Variants in PCDH11X observed in about 807,000 individuals in gnomAD.
PCDH11X encodes the protein protocadherin 11 X-linked.
A neutral mutation model predicts 53.3 loss-of-function variants in PCDH11X; 18 were observed. The ratio of observed to expected loss-of-function variants is 0.34; its 90% confidence interval spans 0.23 to 0.50. The LOEUF is 0.50. Ranked by LOEUF, PCDH11X falls within the 20% of genes least tolerant of loss-of-function variation. The pLI, the probability that PCDH11X is intolerant of heterozygous loss-of-function variation, is 0.98. For synonymous variants in PCDH11X, 279 were observed against 393.3 expected (o/e 0.71, Z 3.44); for missense variants, 570 against 1,032.4 (o/e 0.55, Z 6.14).
At chrX:92,122,107 C>T (rs534267206) in intron 6 of PCDH11X, among the ~76,000 whole-genome samples, 40 of 108,365 alleles carry the variant, frequency 3.7e-4, no homozygotes, top group African/African-American at 1.2e-3. Flanking sequence ...CTCAGCTTCC[C>T]GAGTAGCTGG....
chrX:91,790,707 G>T (rs757478466), intron 1 of PCDH11X, among the ~76,000 whole-genome samples: 2 of 110,643 alleles, frequency 1.8e-5, no homozygotes. Flanking sequence ...GAATACAGCC[G>T]AATAGTCACT....
chrX:91,796,597 G>C (rs1046627605), intron 1 of PCDH11X, among the ~76,000 whole-genome samples: 8 of 111,056 alleles, frequency 7.2e-5, no homozygotes, highest in Non-Finnish European at 1.5e-4. Context: ...TAGCTGACTT[G>C]ATAAACTGAT....
At chrX:91,882,672 A>G (rs1163037588) in intron 6 of PCDH11X, among the ~76,000 whole-genome samples, 1 of 110,480 alleles carries the variant, frequency 9.1e-6, no homozygotes, top group Non-Finnish European at 1.9e-5. Context: ...AACTTTAGAC[A>G]GTTCTAATTC....
chrX:92,281,812 T>C (rs757814971), intron 8 of PCDH11X, among the ~76,000 whole-genome samples: 1 of 111,764 alleles, frequency 8.9e-6, no homozygotes, highest in Admixed American at 9.6e-5. Flanking sequence ...GAATAAGAAT[T>C]ACTCTGCTGT....
At chrX:92,582,273 G>GAA (rs769991378) in intron 10 of PCDH11X, among the ~76,000 whole-genome samples, 1 of 82,457 alleles carries the variant, frequency 1.2e-5, no homozygotes. Context: ...TAAAAGCCTA[G>GAA]AAAAAAAAAA....
At chrX:91,854,141 A>AC (rs973041833) in intron 5 of PCDH11X, among the ~76,000 whole-genome samples, 4 of 110,305 alleles carry the variant, frequency 3.6e-5, no homozygotes, top group Non-Finnish European at 5.7e-5. Flanking sequence ...AATCATCCCT[A>AC]CCTCCCCTGC....
At chrX:92,215,122 G>A (rs775259363) in intron 7 of PCDH11X, among the ~76,000 whole-genome samples, 7 of 111,277 alleles carry the variant, frequency 6.3e-5, no homozygotes, top group South Asian at 3.8e-4. Flanking sequence ...CAGCGTGAGC[G>A]ACGCAGAAGA....
intron 5 of PCDH11X, among the ~76,000 whole-genome samples, chrX:91,857,823 G>A (rs925514414): frequency 8.9e-6 from 1 of 111,846 alleles, no homozygotes; most frequent in East Asian, 2.8e-4. Flanking sequence ...TCATAGGCTG[G>A]CATTGAGTGT....
In PCDH11X at chrX:92,076,006, A is replaced by G. The variant is rs1362335556; in HGVS notation, c.3034-125369A>G. Among the ~76,000 whole-genome samples, 55 of 110,483 alleles carry G rather than the reference A, an allele frequency of 5.0e-4. 1 individual carries two copies. The highest frequency in any genetic ancestry group is 1.1e-3 in the South Asian group (3 of 2,615). On this transcript the variant is annotated intron_variant, in intron 6 of 10. Coordinates refer to ENST00000682573, the MANE Select transcript of PCDH11X (RefSeq NM_032968.5). ...CTGTGGAAAGGTACTTCTTGTTGGT[A>G]TGCCATGCCTTAATAAGGAAATGAA...
chrX:92,054,455 G>C (rs2063411746), intron 6 of PCDH11X, among the ~76,000 whole-genome samples: 1 of 111,576 alleles, frequency 9.0e-6, no homozygotes. Context: ...AATTTTTACA[G>C]GATTCCATGT....
At chrX:92,101,421 T>TTAAG (rs2064247998) in intron 6 of PCDH11X, among the ~76,000 whole-genome samples, 1 of 111,278 alleles carries the variant, frequency 9.0e-6, no homozygotes, top group Non-Finnish European at 1.9e-5. Flanking sequence ...TCCAGTCCTT[T>TTAAG]TTGGTGGCTG....
intron 6 of PCDH11X, among the ~76,000 whole-genome samples, chrX:91,908,078 C>T (rs1569436812): frequency 9.0e-6 from 1 of 111,432 alleles, no homozygotes; most frequent in Non-Finnish European, 1.9e-5. Context: ...TTGGAAGATA[C>T]CCTAAGCAAT....
In PCDH11X at chrX:92,460,016, A is replaced by G; in HGVS notation, c.3344-8283A>G. 5 of 1,007,408 alleles carry G rather than the reference A, an allele frequency of 5.0e-6. No individual in the cohort carries two copies. In the East Asian group the frequency reaches 1.5e-4, roughly 31 times the overall value. 83.0% of individuals were successfully genotyped at this position (1,007,408 alleles called of 1,213,427 possible). A position where few individuals can be genotyped will look rare whatever the true frequency, so the allele number is the denominator to read the frequency against. ...AGCAAAATCCGGGAGCACTTGGAGA[A>G]TAAGGGACCCCAGGTCAAAGACTGG... On this transcript the variant is annotated intron_variant, in intron 9 of 10. Coordinates refer to ENST00000682573, the MANE Select transcript of PCDH11X (RefSeq NM_032968.5).
chrX:91,852,873 A>G (rs375962246), intron 5 of PCDH11X, among the ~76,000 whole-genome samples: 2 of 103,944 alleles, frequency 1.9e-5, no homozygotes, highest in Admixed American at 2.1e-4. Flanking sequence ...GCTCACCCTT[A>G]CACATATTCA....
intron 6 of PCDH11X, among the ~76,000 whole-genome samples, chrX:92,084,938 A>G (rs2063925771): frequency 9.3e-6 from 1 of 107,824 alleles, no homozygotes; most frequent in Non-Finnish European, 1.9e-5. Context: ...ATGATTTGTT[A>G]CATGTAGCTC....
chrX:92,484,118 AGTATATATAT>A lies in PCDH11X; in HGVS notation c.3367+15805_3367+15814del, dbSNP rs1569494423. 7.0e-5 allele frequency among the ~76,000 whole-genome samples: 5 copies of A among 71,846 alleles called. No individual in the cohort carries two copies. In the Admixed American group the frequency reaches 1.0e-3, roughly 15 times the overall value. 62.4% of individuals were successfully genotyped at this position (71,846 alleles called of 115,157 possible). A position where few individuals can be genotyped will look rare whatever the true frequency, so the allele number is the denominator to read the frequency against. On this transcript the variant is annotated intron_variant, in intron 10 of 10. Coordinates refer to ENST00000682573, the MANE Select transcript of PCDH11X (RefSeq NM_032968.5). Reference sequence around the variant, plus strand: ...TGTGTGTGTGTGTGTGTATATATATAGTATATATATGTATATATGTATGTATATATATGTA... The same window carrying A: ...TGTGTGTGTGTGTGTGTATATATATAGTATATATGTATGTATATATATGTA...
intron 6 of PCDH11X, among the ~76,000 whole-genome samples, chrX:92,098,054 G>A (rs916148744): frequency 9.1e-5 from 10 of 110,467 alleles, no homozygotes; most frequent in Non-Finnish European, 1.7e-4. Context: ...ACAAGGTGCC[G>A]ACTGCTTATA....
At chrX:92,120,571 T>G in intron 6 of PCDH11X, among the ~76,000 whole-genome samples, 1 of 112,957 alleles carries the variant, frequency 8.9e-6, no homozygotes, top group African/African-American at 3.2e-5. Flanking sequence ...AAATGCTAAT[T>G]GTCGAATTCA....
intron 6 of PCDH11X, among the ~76,000 whole-genome samples, chrX:91,994,837 A>G (rs1288485106): frequency 9.0e-6 from 1 of 110,866 alleles, no homozygotes; most frequent in South Asian, 3.8e-4. Context: ...ATAATAGCCA[A>G]TCTAACAGGT....
Sources: allele counts gnomAD v4.1 joint callset (sites outside exome capture counted in the v4.1 genomes callset), GRCh38; gene constraint gnomAD v4.1.1; transcripts MANE v1.5; gene names NCBI Gene and HGNC (gene_info 2026-07-23, HGNC 2026-07-21).